MTFR1: variants seen among roughly 807,000 people sequenced by gnomAD.
MTFR1 encodes chondrocyte protein with a poly-proline region.
Under a neutral mutation model 38.8 loss-of-function variants are expected in MTFR1, and 28 were observed. That is an observed-to-expected ratio of 0.72 (90% CI 0.53 to 0.99). The LOEUF is 0.99. Among genes scored for constraint, MTFR1 ranks in the 50% least tolerant of loss-of-function variants. The pLI, the probability that MTFR1 is intolerant of heterozygous loss-of-function variation, is 0.00. For missense variants in MTFR1, 358 were observed against 395.5 expected (o/e 0.91, Z 0.81); for synonymous variants, 145 against 137.0 (o/e 1.06, Z -0.41).
intron 3 of MTFR1, chr8:65,720,463 C>T (rs1025160181): frequency 6.5e-6 from 1 of 154,136 alleles, no homozygotes. Context: ...ATTTATCCAA[C>T]ATAAGAATCT....
chr8:65,682,631 C>T (rs1248599087), intron 3 of MTFR1, 180 bp downstream of exon 3: 4 of 544,984 alleles, frequency 7.3e-6, no homozygotes, highest in South Asian at 8.0e-5. Flanking sequence ...TTCTCTGTGA[C>T]GTGATTGAGA....
chr8:65,757,118 A>G (rs1194890831), intron 3 of MTFR1, among the ~76,000 whole-genome samples: 1 of 152,134 alleles, frequency 6.6e-6, no homozygotes, highest in Non-Finnish European at 1.5e-5. Flanking sequence ...CCTTCCCCCA[A>G]GGTATAGGGC....
intron 3 of MTFR1, among the ~76,000 whole-genome samples, chr8:65,747,061 T>A (rs1807704739): frequency 6.6e-6 from 1 of 152,180 alleles, no homozygotes; most frequent in African/African-American, 2.4e-5. Flanking sequence ...AAAGAGGAAG[T>A]AAATAATGCT....
At chr8:65,690,432 C>T (rs766316947) in intron 3 of MTFR1, among the ~76,000 whole-genome samples, 2 of 152,092 alleles carry the variant, frequency 1.3e-5, no homozygotes, top group African/African-American at 2.4e-5. Flanking sequence ...TGGAGGCTTA[C>T]GCAGGTGAAT....
intron 4 of MTFR1, among the ~76,000 whole-genome samples, chr8:65,704,236 G>A (rs1003461517): frequency 6.6e-6 from 1 of 152,112 alleles, no homozygotes. Context: ...GCACAATAGT[G>A]TTCAAGATTA....
Position 65,665,831 on chromosome 8 carries a change from A to G in MTFR1, c.-80-4042A>G, listed in dbSNP as rs368571819. 3.3e-5 allele frequency among the ~76,000 whole-genome samples: 5 copies of G among 152,320 alleles called. No individual in the cohort carries two copies. In the East Asian group the frequency reaches 5.8e-4, roughly 18 times the overall value. On this transcript the variant is annotated intron_variant, in intron 1 of 7. Coordinates refer to ENST00000262146, the MANE Select transcript of MTFR1 (RefSeq NM_014637.4). ...AACTTTGGTTAATTCTTTTATTGGC[A>G]TATTGAATCCATCTATTCTTTTCCA...
intron 4 of MTFR1, among the ~76,000 whole-genome samples, chr8:65,703,530 T>C (rs1805686282): frequency 7.2e-6 from 1 of 138,488 alleles, no homozygotes; most frequent in South Asian, 2.5e-4. Flanking sequence ...GCCTCCCAGG[T>C]TCAAGTGATT....
intron 1 of MTFR1, among the ~76,000 whole-genome samples, chr8:65,667,325 A>G (rs963645648): frequency 7.3e-5 from 11 of 149,884 alleles, no homozygotes; most frequent in East Asian, 1.9e-4. Context: ...AAAATTTTCT[A>G]TAGAGCCAAA....
chr8:65,689,746 T>A (rs1465755186), intron 3 of MTFR1: 1 of 302,250 alleles, frequency 3.3e-6, no homozygotes, highest in Non-Finnish European at 5.3e-6. Context: ...GAAATTGTCC[T>A]TTGCATCCCA....
chr8:65,765,833 A>T (rs2128917354), intron 3 of MTFR1, among the ~76,000 whole-genome samples: 1 of 152,386 alleles, frequency 6.6e-6, no homozygotes, highest in East Asian at 1.9e-4. Context: ...TGGGATTATA[A>T]TAATTCTTTA....
intron 2 of MTFR1, chr8:65,718,335 C>T (rs1211790061): frequency 6.6e-6 from 1 of 152,292 alleles, no homozygotes; most frequent in East Asian, 1.9e-4. Context: ...TCACTCACTG[C>T]AGCGAAAGGG....
At chr8:65,673,943 G>A (rs1287949827) in intron 2 of MTFR1, among the ~76,000 whole-genome samples, 2 of 152,164 alleles carry the variant, frequency 1.3e-5, no homozygotes, top group African/African-American at 4.8e-5. Flanking sequence ...GAAATATTGT[G>A]TGAATCATCA....
chr8:65,682,575 A>G, intron 3 of MTFR1, 124 bp downstream of exon 3: 1 of 596,072 alleles, frequency 1.7e-6, no homozygotes, highest in Admixed American at 4.7e-5. Context: ...CTATCAATAC[A>G]ATAGAAGAGG....
chr8:65,654,732 T>C (rs1809210379), intron 1 of MTFR1, among the ~76,000 whole-genome samples: 1 of 152,096 alleles, frequency 6.6e-6, no homozygotes, highest in Non-Finnish European at 1.5e-5. Context: ...TGCATACCAC[T>C]GTGCCTAGCT....
the MTFR1 span, among the ~76,000 whole-genome samples, chr8:65,777,507 T>C: frequency 6.6e-6 from 1 of 152,230 alleles, no homozygotes; most frequent in Non-Finnish European, 1.5e-5. Context: ...TATAATTTGA[T>C]AATATGTTAT....
chr8:65,685,822 GAGA>G (rs1320649910), intron 3 of MTFR1, among the ~76,000 whole-genome samples: 1 of 152,210 alleles, frequency 6.6e-6, no homozygotes, highest in Non-Finnish European at 1.5e-5. Context: ...TAGCATGGGG[GAGA>G]AGATCAGGAG....
intron 3 of MTFR1, among the ~76,000 whole-genome samples, chr8:65,753,659 C>T (rs899808545): frequency 6.6e-6 from 1 of 152,138 alleles, no homozygotes; most frequent in African/African-American, 2.4e-5. Flanking sequence ...TATAGTGTTG[C>T]TCAGGTGCTC....
At chr8:65,689,853 G>C (rs1259807135) in intron 3 of MTFR1, among the ~76,000 whole-genome samples, 2 of 152,192 alleles carry the variant, frequency 1.3e-5, no homozygotes, top group African/African-American at 4.8e-5. Context: ...TTTTGAATGA[G>C]TTTGACTTAA....
Position 65,719,026 on chromosome 8 carries a change from A to C in MTFR1, c.382-354A>C, listed in dbSNP as rs148713927. The C allele has an allele frequency of 1.6e-3, 781 of 501,314 alleles. 5 individuals are homozygous for C. Among genetic ancestry groups the C allele is most frequent in the African/African-American group, 0.011 (566 of 52,302 alleles). 31.1% of individuals were successfully genotyped at this position (501,314 alleles called of 1,614,324 possible). On this transcript the variant is annotated intron_variant, in intron 2 of 3. Coordinates refer to the MTFR1 transcript ENST00000521247. ...GGCACATATCAAAACTTCCTTTGTT[A>C]CTCCTTTCGGATTCTCTCCTGCTGG...
Sources: allele counts gnomAD v4.1 joint callset (sites outside exome capture counted in the v4.1 genomes callset), GRCh38; gene constraint gnomAD v4.1.1; transcripts MANE v1.5; gene names NCBI Gene and HGNC (gene_info 2026-07-23, HGNC 2026-07-21).